Variants in CUX1 observed in about 807,000 individuals in gnomAD.
CUX1 encodes cut like homeobox 1.
Under a neutral mutation model 158.8 loss-of-function variants are expected in CUX1, and 31 were observed. That is an observed-to-expected ratio of 0.20 (90% CI 0.15 to 0.26). The LOEUF is 0.26. Among genes scored for constraint, CUX1 ranks in the 10% least tolerant of loss-of-function variants. CUX1 has a pLI of 1.00. For synonymous variants in CUX1, 879 were observed against 862.1 expected, an observed-to-expected ratio of 1.02 and a Z score of -0.34; for missense variants, 1,589 against 2,014.6, an observed-to-expected ratio of 0.79 and a Z score of 4.04.
chr7:101,850,055 C>G (rs1796112191), intron 1 of CUX1, among the ~76,000 whole-genome samples: 1 of 151,438 alleles, frequency 6.6e-6, no homozygotes, highest in Non-Finnish European at 1.5e-5. Context: ...TCCCTAGTAG[C>G]TGGGATTATA....
intron 19 of CUX1, 95 bp downstream of exon 19, chr7:102,204,651 G>C: frequency 2.7e-6 from 4 of 1,491,840 alleles, no homozygotes; most frequent in Non-Finnish European, 3.6e-6. Context: ...AGGGAGGAGG[G>C]AACTCCGCCC....
chr7:102,142,688 G>A (rs1275916586), intron 8 of CUX1, among the ~76,000 whole-genome samples: 3 of 151,476 alleles, frequency 2.0e-5, no homozygotes, highest in African/African-American at 4.9e-5. Flanking sequence ...TCAGGGGATC[G>A]AGACAGGAGG....
rs1795451378 is a variant in CUX1, at chr7:102,201,635, A to G, written c.2338A>G (p.Asn780Asp). 6.2e-7 allele frequency: 1 copy of G among 1,613,568 alleles called. No individual in the cohort carries two copies. Among genetic ancestry groups the G allele is most frequent in the Non-Finnish European group, 8.5e-7 (1 of 1,179,876 alleles). The change falls in exon 18 of 24, where the codon AAC (asparagine) becomes GAC (aspartate). Residue 780 changes from asparagine (N) to aspartate (D), a missense_variant. By Grantham distance (23) the Asn-to-Asp change is conservative. Transcript: ENST00000292535. The surrounding 1 kb of genome is among the most constrained non-coding windows in gnomAD (Gnocchi z 5.0). Reference protein sequence around the residue: ...APEAGASALPNPPALKKEAQD... With the variant: ...APEAGASALPDPPALKKEAQD... ...TGAGGCCGGTGCCTCTGCTCTGCCG[A>G]ACCCCCCGGCCCTCAAAAAGGAGGC...
rs1801105872 is a variant in CUX1 at position 102,248,723 on chromosome 7, G to A, written c.4199G>A (p.Gly1400Glu). The change falls in exon 24 of 24, where the codon GGG becomes GAG. Residue 1400 changes from glycine to glutamate, a missense_variant. Gly to Glu is a moderately conservative substitution (Grantham distance 98). Around this residue, in one of 8 missense-constraint regions of CUX1, gnomAD observed 344 missense variants for 323.7 expected, o/e 1.06. Transcript: ENST00000292535. The surrounding 1 kb of genome is among the most constrained non-coding windows in gnomAD (Gnocchi z 5.8). ...DHEGGPVEGP[G>E]PLPSPASATA... ...GAGGGAGGCCCCGTGGAAGGCCCGG[G>A]GCCCCTGCCCAGCCCCGCCTCCGCG... 1 of 1,165,424 alleles carries A rather than the reference G, an allele frequency of 8.6e-7. No homozygotes were observed. The highest frequency in any genetic ancestry group is 1.1e-6 in the Non-Finnish European group (1 of 942,846). The allele number at this position is 1,165,424 out of a possible 1,614,324, so 72.2% of individuals were successfully genotyped here.
At chr7:101,890,952 C>G (rs1450413406) in intron 1 of CUX1, among the ~76,000 whole-genome samples, 1 of 149,752 alleles carries the variant, frequency 6.7e-6, no homozygotes, top group Non-Finnish European at 1.5e-5. Context: ...AGTAGGATGT[C>G]TTAATTCTTG....
intron 2 of CUX1, among the ~76,000 whole-genome samples, chr7:101,973,798 TCA>T (rs1465195536): frequency 6.7e-6 from 1 of 149,626 alleles, no homozygotes; most frequent in African/African-American, 2.5e-5. Flanking sequence ...AGACGGAGTC[TCA>T]CACTGTCGCC....
In CUX1 at chr7:101,889,863, G is replaced by A. The variant is rs189793517; in HGVS notation, c.31-26252G>A. 3.3e-5 allele frequency among the ~76,000 whole-genome samples: 5 copies of A among 152,342 alleles called. No homozygotes were observed. The East Asian group carries it at 5.8e-4, about 18-fold the overall frequency. Reference sequence around the variant, plus strand: ...GAGGGAACTCTGCAGTTGCAAATGCGGCCTTCTTACAAGTCGCTTGTAGGG... The same window carrying A: ...GAGGGAACTCTGCAGTTGCAAATGCAGCCTTCTTACAAGTCGCTTGTAGGG... On this transcript the variant is annotated intron_variant, in intron 1 of 23. Coordinates refer to ENST00000292535, the MANE Select transcript of CUX1 (RefSeq NM_181552.4).
chr7:102,128,508 G>A (rs967364890), intron 8 of CUX1, among the ~76,000 whole-genome samples: 15 of 149,262 alleles, frequency 1.0e-4, no homozygotes, highest in African/African-American at 3.7e-4. Context: ...CCCCAGCAGG[G>A]CCTGTTTGTG....
intron 1 of CUX1, among the ~76,000 whole-genome samples, chr7:101,895,891 G>GTTTTTTTTTTTTTTTTTTTTTTT (rs66481506): frequency 8.9e-6 from 1 of 112,716 alleles, no homozygotes; most frequent in Non-Finnish European, 1.7e-5. Context: ...CACCTGTAAA[G>GTTTTTTTTTTTTTTTTTTTTTTT]TTTTTTTTTT....
chr7:102,136,964 G>C (rs369268910), intron 8 of CUX1, among the ~76,000 whole-genome samples: 1 of 152,120 alleles, frequency 6.6e-6, no homozygotes, highest in Non-Finnish European at 1.5e-5. Flanking sequence ...AGAAACATAG[G>C]GCTTTGCTGA....
intron 2 of CUX1, among the ~76,000 whole-genome samples, chr7:101,929,786 G>C (rs1354773901): frequency 6.6e-6 from 1 of 152,112 alleles, no homozygotes; most frequent in Non-Finnish European, 1.5e-5. Context: ...CAGACTCCTG[G>C]GAATGAGGCC....
intron 11 of CUX1, chr7:102,188,476 C>G (rs968423580): frequency 6.6e-6 from 1 of 152,164 alleles, no homozygotes; most frequent in Non-Finnish European, 1.5e-5. Flanking sequence ...AGCAATGGCT[C>G]CTCTCACAAG....
Position 102,248,700 on chromosome 7 carries a change from G to A in CUX1, c.4176G>A (p.Glu1392=). The change falls in exon 24 of 24, where the codon GAG becomes GAA. Residue 1392 remains glutamate, a synonymous_variant. Transcript: ENST00000292535. The surrounding 1 kb of genome is among the most constrained non-coding windows in gnomAD (Gnocchi z 5.8). ...GPDDARDDDH[E]GGPVEGPGPL... is the part of the protein sequence containing the mutation. ...ACGACGCCCGCGACGACGACCACGA[G>A]GGAGGCCCCGTGGAAGGCCCGGGGC... The A allele has an allele frequency of 8.0e-7, 1 of 1,245,638 alleles. No individual in the cohort carries two copies. The allele number at this position is 1,245,638 out of a possible 1,614,324, so 77.2% of individuals were successfully genotyped here.
chr7:101,954,794 C>T (rs1008366892), intron 2 of CUX1, among the ~76,000 whole-genome samples: 5 of 152,176 alleles, frequency 3.3e-5, no homozygotes, highest in African/African-American at 9.7e-5. Flanking sequence ...GTTGCTTAAC[C>T]ACGACAAACT....
At chr7:102,178,803 C>T (rs1792690919) in intron 11 of CUX1, 146 bp downstream of exon 11, 4 of 828,390 alleles carry the variant, frequency 4.8e-6, no homozygotes, top group Admixed American at 5.6e-5. Context: ...AAGCAGAGTC[C>T]CGGAGTCCAT....
At chr7:101,841,182 C>T (rs946097082) in intron 1 of CUX1, among the ~76,000 whole-genome samples, 2 of 152,180 alleles carry the variant, frequency 1.3e-5, no homozygotes, top group East Asian at 1.9e-4. Flanking sequence ...CGTGAGCCAC[C>T]ACGCCCGGCA....
At chr7:101,929,660 A>T (rs957108368) in intron 2 of CUX1, among the ~76,000 whole-genome samples, 2 of 152,200 alleles carry the variant, frequency 1.3e-5, no homozygotes, top group East Asian at 3.9e-4. Context: ...GCATTATGCT[A>T]AGTGCATGAC....
chr7:101,982,125 T>C (rs538583898), intron 2 of CUX1, among the ~76,000 whole-genome samples: 1 of 152,376 alleles, frequency 6.6e-6, no homozygotes, highest in African/African-American at 2.4e-5. Flanking sequence ...TCTACCTGCA[T>C]TGCAGGCTGA....
At chr7:102,063,750 C>G (rs1340234402) in intron 3 of CUX1, among the ~76,000 whole-genome samples, 2 of 152,160 alleles carry the variant, frequency 1.3e-5, no homozygotes, top group Non-Finnish European at 2.9e-5. Flanking sequence ...TTCCTGAACC[C>G]TTGGGTCACA....
Sources: allele counts gnomAD v4.1 joint callset (sites outside exome capture counted in the v4.1 genomes callset), GRCh38; gene constraint gnomAD v4.1.1; regional missense constraint gnomAD v4.1.1; non-coding constraint Gnocchi (gnomAD v3.1); transcripts MANE v1.5; gene names NCBI Gene and HGNC (gene_info 2026-07-23, HGNC 2026-07-21).